CNTN4: variants seen among roughly 807,000 people sequenced by gnomAD.
The protein encoded by CNTN4 is contactin 4.
Under a neutral mutation model 122.5 loss-of-function variants are expected in CNTN4, and 77 were observed. The ratio of observed to expected loss-of-function variants is 0.63; its 90% CI spans 0.52 to 0.76. The LOEUF (loss-of-function observed/expected upper bound fraction) is 0.76. Among genes scored for constraint, CNTN4 ranks in the 30% least tolerant of loss-of-function variants. CNTN4 has a pLI of 0.00. For missense variants in CNTN4, 1,256 were observed against 1,259.1 expected (o/e 1.00, Z 0.04); for synonymous variants, 512 against 447.0 (o/e 1.15, Z -1.83).
chr3:2,494,766 A>G (rs933009207), intron 3 of CNTN4, among the ~76,000 whole-genome samples: 1 of 152,222 alleles, frequency 6.6e-6, no homozygotes, highest in Non-Finnish European at 1.5e-5. Flanking sequence ...GTGTGATGCT[A>G]TACCAGAGTC....
intron 3 of CNTN4, among the ~76,000 whole-genome samples, chr3:2,505,928 G>C (rs975257673): frequency 2.0e-5 from 3 of 152,124 alleles, no homozygotes; most frequent in Admixed American, 1.3e-4. Flanking sequence ...TGAAAGCATG[G>C]AGGAAGAAAA....
chr3:2,609,995 A>T (rs2081414676), intron 4 of CNTN4, among the ~76,000 whole-genome samples: 3 of 152,144 alleles, frequency 2.0e-5, no homozygotes, highest in African/African-American at 7.2e-5. Context: ...GTTAGAGATG[A>T]TATCTTCTTG....
At chr3:2,919,382 A>G (rs2094404722) in intron 12 of CNTN4, among the ~76,000 whole-genome samples, 1 of 144,142 alleles carries the variant, frequency 6.9e-6, no homozygotes, top group Non-Finnish European at 1.5e-5. Context: ...AAAAAACCAG[A>G]TCGTTGCTTT....
At chr3:2,982,174 A>G (rs575811589) in intron 13 of CNTN4, among the ~76,000 whole-genome samples, 3 of 152,312 alleles carry the variant, frequency 2.0e-5, no homozygotes, top group East Asian at 1.9e-4. Flanking sequence ...TTTTTTCTTC[A>G]TATTCGGAAC....
intron 13 of CNTN4, among the ~76,000 whole-genome samples, chr3:2,984,011 G>A (rs904247669): frequency 6.6e-6 from 1 of 152,160 alleles, no homozygotes; most frequent in African/African-American, 2.4e-5. Flanking sequence ...GCAAATAACA[G>A]TGGGAGAGTT....
At chr3:3,015,093 T>G (rs1697624366) in intron 14 of CNTN4, among the ~76,000 whole-genome samples, 1 of 152,170 alleles carries the variant, frequency 6.6e-6, no homozygotes, top group South Asian at 2.1e-4. Context: ...CTTCAGATTT[T>G]CATTCTCCCT....
chr3:2,336,621 C>T (rs1484388090), intron 2 of CNTN4, among the ~76,000 whole-genome samples: 2 of 152,088 alleles, frequency 1.3e-5, no homozygotes, highest in Non-Finnish European at 2.9e-5. Flanking sequence ...TAAACTAGCT[C>T]ACATAATAAG....
intron 7 of CNTN4, among the ~76,000 whole-genome samples, chr3:2,843,120 G>T (rs2093393168): frequency 6.6e-6 from 1 of 152,072 alleles, no homozygotes; most frequent in Non-Finnish European, 1.5e-5. Flanking sequence ...CATCTCAAAG[G>T]TAATATGACT....
At chr3:3,039,623 G>A (rs1699956991) in intron 19 of CNTN4, 2 of 247,504 alleles carry the variant, frequency 8.1e-6, no homozygotes, top group African/African-American at 4.5e-5. Flanking sequence ...CCTCTGAGAG[G>A]GAGGATCTTC....
intron 19 of CNTN4, chr3:3,039,358 G>C (rs185107964): frequency 7.7e-4 from 168 of 218,864 alleles, no homozygotes; most frequent in African/African-American, 2.7e-3. Flanking sequence ...AATAGATTCA[G>C]TGCACCAGCA....
chr3:2,319,530 G>C (rs2043212266), intron 2 of CNTN4, among the ~76,000 whole-genome samples: 1 of 151,964 alleles, frequency 6.6e-6, no homozygotes, highest in Admixed American at 6.6e-5. Context: ...ATCCTCTTCA[G>C]CCTACTCAAC....
chr3:2,782,351 T>C (rs1380670559), intron 6 of CNTN4, among the ~76,000 whole-genome samples: 1 of 152,098 alleles, frequency 6.6e-6, no homozygotes, highest in Non-Finnish European at 1.5e-5. Flanking sequence ...GCATGCTGTA[T>C]GAACCCTTTC....
chr3:2,951,030 T>C (rs745842814), intron 13 of CNTN4, among the ~76,000 whole-genome samples: 4 of 152,224 alleles, frequency 2.6e-5, no homozygotes, highest in African/African-American at 7.2e-5. Context: ...CGAAACCTAA[T>C]TCCCCATCTG....
At chr3:2,864,762 G>T (rs9812746) in intron 7 of CNTN4, among the ~76,000 whole-genome samples, 80,301 of 110,588 alleles carry the variant, frequency 0.73, 30,708 homozygotes, top group African/African-American at 0.81. Flanking sequence ...AAAAGTTTCC[G>T]GTATTTGATT....
Position 3,040,081 on chromosome 3 carries a change from G to A in CNTN4, c.2208G>A (p.Val736=), listed in dbSNP as rs1315086247. 4 of 1,614,158 alleles carry A rather than the reference G, an allele frequency of 2.5e-6. No individual in the cohort carries two copies. In the South Asian group the frequency reaches 3.3e-5, roughly 13 times the overall value. ...AGAATGGTCGAGGCTTTGGTTATGT[G>A]GTGGCCTTCCGGCCCTACGGTAAAA... is the stretch of plus-strand genomic sequence containing the variant. ...ELQNGRGFGY[V]VAFRPYGKMI... is the part of the protein sequence containing the mutation. The change falls in exon 20 of 25, where the codon GTG becomes GTA. Residue 736 remains valine, a synonymous_variant. Coordinates refer to ENST00000418658, the MANE Select transcript of CNTN4 (RefSeq NM_175607.3).
chr3:2,259,998 T>G (rs750973547), intron 2 of CNTN4, among the ~76,000 whole-genome samples: 11 of 152,198 alleles, frequency 7.2e-5, no homozygotes, highest in Admixed American at 1.3e-4. Flanking sequence ...AGCTTTCCCA[T>G]GATTTTCATA....
intron 7 of CNTN4, among the ~76,000 whole-genome samples, chr3:2,821,885 A>G (rs982815534): frequency 5.9e-5 from 9 of 152,218 alleles, no homozygotes; most frequent in African/African-American, 4.8e-5. Flanking sequence ...ACAAACTTTT[A>G]GATTTGGAAT....
At chr3:2,808,409 A>C (rs1008010295) in intron 6 of CNTN4, among the ~76,000 whole-genome samples, 1 of 152,186 alleles carries the variant, frequency 6.6e-6, no homozygotes, top group African/African-American at 2.4e-5. Flanking sequence ...ACAACCTGCT[A>C]ATTTTAATTT....
intron 3 of CNTN4, among the ~76,000 whole-genome samples, chr3:2,369,276 A>G (rs1300084545): frequency 6.6e-6 from 1 of 152,116 alleles, no homozygotes; most frequent in Non-Finnish European, 1.5e-5. Flanking sequence ...CCTGTTTTTG[A>G]GTTTTGGAAA....
Sources: gnomAD v4.1 joint callset for allele counts (sites outside exome capture counted in the v4.1 genomes callset) on GRCh38, gnomAD v4.1.1 for gene constraint, MANE v1.5 for transcripts, NCBI Gene and HGNC (gene_info 2026-07-23, HGNC 2026-07-21) for gene names.